The following SYT17 variants were observed in gnomAD, a reference collection of about 807,000 sequenced individuals.
SYT17 encodes synaptotagmin 17, also known as synaptotagmin-17.
In SYT17, 22 loss-of-function variants were observed where a neutral mutation model predicts 46.7. The ratio of observed to expected loss-of-function variants is 0.47; its 90% CI spans 0.34 to 0.67. The LOEUF is 0.67. SYT17 is among the 30% of genes least tolerant of loss of function. The pLI is 0.01. For missense variants in SYT17, 519 were observed against 612.8 expected (o/e 0.85, Z 1.62); for synonymous variants, 251 against 248.4 (o/e 1.01, Z -0.10).
rs972679697 is a variant in SYT17, at chr16:19,168,554, C to T, written c.-93C>T. 7.2e-6 allele frequency: 11 copies of T among 1,524,390 alleles called. No homozygotes were observed. Among genetic ancestry groups the T allele is most frequent in the Non-Finnish European group, 9.8e-6 (11 of 1,128,022 alleles). 94.4% of individuals were successfully genotyped at this position (1,524,390 alleles called of 1,614,324 possible). On this transcript the variant is annotated 5_prime_UTR_variant, in exon 1 of 8. Coordinates refer to ENST00000355377, the MANE Select transcript of SYT17 (RefSeq NM_016524.4). The surrounding 1 kb of genome is among the most constrained non-coding windows in gnomAD (Gnocchi z 6.9). Reference sequence around the variant, plus strand: ...CCACCGGCTGCCTTTTTCTTCCTTTCCCCCTTTGCTTTCTTCCCCCTCCGC... The same window carrying T: ...CCACCGGCTGCCTTTTTCTTCCTTTTCCCCTTTGCTTTCTTCCCCCTCCGC...
intron 5 of SYT17, among the ~76,000 whole-genome samples, chr16:19,193,024 GAAGGTGA>G (rs1157439635): frequency 4.6e-5 from 7 of 152,154 alleles, no homozygotes; most frequent in African/African-American, 1.7e-4. Context: ...GTGGCTGGTG[GAAGGTGA>G]AAGGTGAAAG....
At chr16:19,209,817 G>T (rs1240541106) in intron 5 of SYT17, among the ~76,000 whole-genome samples, 1 of 152,044 alleles carries the variant, frequency 6.6e-6, no homozygotes, top group African/African-American at 2.4e-5. Flanking sequence ...GGCGGAACTT[G>T]CAGTGAGCTG....
At chr16:19,204,294 C>G (rs1056598788) in intron 5 of SYT17, among the ~76,000 whole-genome samples, 1 of 152,116 alleles carries the variant, frequency 6.6e-6, no homozygotes, top group East Asian at 1.9e-4. Flanking sequence ...CCTTGAGAAC[C>G]ACTGATTTGA....
At chr16:19,173,399 T>TCCCCCCCCCCCCCCC in intron 2 of SYT17, 31 bp from the exon 3 acceptor site, 5 of 95,540 alleles carry the variant, frequency 5.2e-5, no homozygotes, top group South Asian at 3.4e-4. Context: ...CTCTCCCCCA[T>TCCCCCCCCCCCCCCC]CCCCCCGCCC....
chr16:19,230,512 AC>A (rs1432154569), intron 7 of SYT17, among the ~76,000 whole-genome samples: 9 of 152,226 alleles, frequency 5.9e-5, no homozygotes, highest in African/African-American at 1.7e-4. Flanking sequence ...CTTTTATGTT[AC>A]ACGTATTTTG....
chr16:19,257,926 G>C (rs1206032777), intron 7 of SYT17, among the ~76,000 whole-genome samples: 3 of 150,638 alleles, frequency 2.0e-5, no homozygotes, highest in Non-Finnish European at 4.4e-5. Flanking sequence ...ATGAGAAGCT[G>C]TTGAGTCTGC....
intron 7 of SYT17, among the ~76,000 whole-genome samples, chr16:19,233,112 C>A (rs188483013): frequency 6.6e-6 from 1 of 152,324 alleles, no homozygotes; most frequent in Non-Finnish European, 1.5e-5. Context: ...ACCTCCCTCT[C>A]GCCCTGCTGT....
At chr16:19,214,723 G>GC (rs1390025920) in intron 5 of SYT17, among the ~76,000 whole-genome samples, 2 of 152,074 alleles carry the variant, frequency 1.3e-5, no homozygotes, top group Non-Finnish European at 2.9e-5. Context: ...TTAGGATAAG[G>GC]CTCTGAGGCC....
At chr16:19,205,262 C>T (rs1386500372) in intron 5 of SYT17, among the ~76,000 whole-genome samples, 2 of 152,292 alleles carry the variant, frequency 1.3e-5, no homozygotes, top group South Asian at 2.1e-4. Context: ...TCAGTGGCCT[C>T]CTGGACTCTG....
chr16:19,172,408 G>T (rs1964132136), intron 1 of SYT17: 2 of 1,425,768 alleles, frequency 1.4e-6, no homozygotes, highest in Non-Finnish European at 1.8e-6. Flanking sequence ...GTATAGGAAG[G>T]TTTGCTCTTC....
intron 7 of SYT17, among the ~76,000 whole-genome samples, chr16:19,257,288 C>G (rs936763845): frequency 6.6e-6 from 1 of 151,404 alleles, no homozygotes; most frequent in Non-Finnish European, 1.5e-5. Context: ...CTTCTTAGAA[C>G]CAAAGAAATG....
chr16:19,234,884 G>A lies in SYT17; in HGVS notation c.1228+10046G>A, dbSNP rs1001914041. Among the ~76,000 whole-genome samples, 10 of 152,208 alleles carry A rather than the reference G, an allele frequency of 6.6e-5. No homozygotes were observed. The East Asian group carries it at 1.2e-3, about 18-fold the overall frequency. On this transcript the variant is annotated intron_variant, in intron 7 of 7. Transcript: ENST00000355377. ...TAATAGCTCAGCCCAGCAGCCTGTG[G>A]TTGTTGCCCCAGCATCTCCCTCACC...
intron 5 of SYT17, among the ~76,000 whole-genome samples, chr16:19,199,712 GAGTGACAGAGC>G (rs1965387618): frequency 1.3e-5 from 2 of 151,966 alleles, no homozygotes; most frequent in Admixed American, 6.6e-5. Flanking sequence ...CTTCCAACCT[GAGTGACAGAGC>G]AAGACCCTGT....
chr16:19,218,192 A>G (rs1372983717), intron 5 of SYT17, among the ~76,000 whole-genome samples: 2 of 152,226 alleles, frequency 1.3e-5, no homozygotes, highest in Non-Finnish European at 2.9e-5. Flanking sequence ...GTTTGCTGTA[A>G]CAATCATAAT....
chr16:19,208,950 T>A (rs569214481), intron 5 of SYT17, among the ~76,000 whole-genome samples: 1 of 133,154 alleles, frequency 7.5e-6, no homozygotes, highest in Admixed American at 8.9e-5. Context: ...TGGAGTGCAG[T>A]GGTACGATCT....
intron 7 of SYT17, among the ~76,000 whole-genome samples, chr16:19,258,073 T>C (rs1245408301): frequency 3.3e-5 from 5 of 152,112 alleles, no homozygotes; most frequent in Admixed American, 3.3e-4. Context: ...ATTTAGCTCC[T>C]ATGGTGAGGA....
At position 19,197,461 on chromosome 16, in the gene SYT17, T is replaced by A. The variant is rs147706262; in HGVS notation, c.951+13314T>A. On this transcript the variant is annotated intron_variant, in intron 5 of 7. Coordinates refer to ENST00000355377, the MANE Select transcript of SYT17 (RefSeq NM_016524.4). Reference sequence around the variant, plus strand: ...TTGTTTGTTTGTTATTATTATTATTTTTTTTGAGACAGGGTCTCACTCTGT... The same window carrying A: ...TTGTTTGTTTGTTATTATTATTATTATTTTTGAGACAGGGTCTCACTCTGT... 3.2e-3 allele frequency among the ~76,000 whole-genome samples: 481 copies of A among 150,098 alleles called. 1 individual carries two copies. Among genetic ancestry groups the A allele is most frequent in the African/African-American group, 0.011 (428 of 40,624 alleles).
chr16:19,244,049 G>A (rs1967343730), intron 7 of SYT17, among the ~76,000 whole-genome samples: 1 of 152,110 alleles, frequency 6.6e-6, no homozygotes, highest in Non-Finnish European at 1.5e-5. Flanking sequence ...GAGTTTAGTG[G>A]TAGCTCTTAT....
chr16:19,188,472 C>T lies in SYT17; in HGVS notation c.951+4325C>T, dbSNP rs1289769665. Among the ~76,000 whole-genome samples the T allele has an allele frequency of 1.2e-4, 16 of 136,228 alleles. 1 individual carries two copies. In the Admixed American group the frequency reaches 1.3e-3, roughly 11 times the overall value. The allele number at this position is 136,228 out of a possible 152,430, so 89.4% of individuals were successfully genotyped here. A position where few individuals can be genotyped will look rare whatever the true frequency, so the allele number is the denominator to read the frequency against. ...CCTATGTAACAAACCTGCACTTATA[C>T]TCCTGAACTTAAAATAAAAGTTAAA... is the stretch of plus-strand genomic sequence containing the variant. On this transcript the variant is annotated intron_variant, in intron 5 of 7. Transcript: ENST00000355377.
Sources: allele counts gnomAD v4.1 joint callset (sites outside exome capture counted in the v4.1 genomes callset), GRCh38; gene constraint gnomAD v4.1.1; non-coding constraint Gnocchi (gnomAD v3.1); transcripts MANE v1.5; gene names NCBI Gene and HGNC (gene_info 2026-07-23, HGNC 2026-07-21).